Variants in SHISA6 observed in about 807,000 individuals in gnomAD.
The protein encoded by SHISA6 is protein shisa-6.
Under a neutral mutation model 47.9 loss-of-function variants are expected in SHISA6, and 22 were observed. The ratio of observed to expected loss-of-function variants is 0.46; its 90% CI spans 0.33 to 0.66. The LOEUF (loss-of-function observed/expected upper bound fraction) is 0.66. Among genes scored for constraint, SHISA6 ranks in the 30% least tolerant of loss-of-function variants. The pLI, the probability that SHISA6 is intolerant of heterozygous loss-of-function variation, is 0.02. For missense variants in SHISA6, 680 were observed against 764.6 expected, an observed-to-expected ratio of 0.89 and a Z score of 1.30; for synonymous variants, 388 against 337.8, an observed-to-expected ratio of 1.15 and a Z score of -1.63.
chr17:11,413,608 G>T (rs1914198682), intron 3 of SHISA6, among the ~76,000 whole-genome samples: 1 of 152,136 alleles, frequency 6.6e-6, no homozygotes. Flanking sequence ...CTTGGTTCTT[G>T]GAGGTTGGCA....
chr17:11,461,180 G>A (rs1170285438), intron 3 of SHISA6, among the ~76,000 whole-genome samples: 8 of 152,154 alleles, frequency 5.3e-5, no homozygotes, highest in Non-Finnish European at 1.0e-4. Flanking sequence ...GGCGGATCAC[G>A]AGGTCAGGAG....
At chr17:11,274,759 A>T (rs1908817255) in intron 2 of SHISA6, among the ~76,000 whole-genome samples, 1 of 152,216 alleles carries the variant, frequency 6.6e-6, no homozygotes, top group Admixed American at 6.5e-5. Context: ...GCTTAACTCC[A>T]GGAGCAGAAA....
intron 3 of SHISA6, among the ~76,000 whole-genome samples, chr17:11,494,138 C>A (rs866677509): frequency 6.6e-6 from 1 of 152,146 alleles, no homozygotes; most frequent in South Asian, 2.1e-4. Flanking sequence ...CTCAGCAGGA[C>A]TCAGGGACTT....
At chr17:11,304,758 T>C (rs1910046358) in intron 2 of SHISA6, among the ~76,000 whole-genome samples, 1 of 151,574 alleles carries the variant, frequency 6.6e-6, no homozygotes, top group Non-Finnish European at 1.5e-5. Flanking sequence ...CAAGCCGGAG[T>C]GTAGGGAAAC....
chr17:11,545,559 T>C (rs2071876462), intron 3 of SHISA6, among the ~76,000 whole-genome samples: 1 of 152,250 alleles, frequency 6.6e-6, no homozygotes, highest in South Asian at 2.1e-4. Context: ...AGGATCTTTC[T>C]GTATTATTCA....
chr17:11,563,090 CA>C lies in SHISA6; in HGVS notation c.*4788del, dbSNP rs2142398198. The C allele has an allele frequency of 6.6e-6, 1 of 152,408 alleles. No individual in the cohort carries two copies. The highest frequency in any genetic ancestry group is 6.5e-5 in the Admixed American group (1 of 15,296). 9.4% of individuals were successfully genotyped at this position (152,408 alleles called of 1,614,324 possible). A position where few individuals can be genotyped will look rare whatever the true frequency, so the allele number is the denominator to read the frequency against. On this transcript the variant is annotated 3_prime_UTR_variant, in exon 6 of 6. Coordinates refer to ENST00000441885, the MANE Select transcript of SHISA6 (RefSeq NM_207386.4). Reference sequence around the variant, plus strand: ...CCTTATAGCTGGAGGGAGGCGGTTCCAATTTCAGAGAGGGAGCTGGCTGGAG... The same window carrying C: ...CCTTATAGCTGGAGGGAGGCGGTTCCATTTCAGAGAGGGAGCTGGCTGGAG...
chr17:11,485,606 C>T (rs1179891396), intron 3 of SHISA6, among the ~76,000 whole-genome samples: 1 of 152,106 alleles, frequency 6.6e-6, no homozygotes, highest in Non-Finnish European at 1.5e-5. Flanking sequence ...GAGTGAGCCT[C>T]TTTCTCTGCA....
At chr17:11,497,552 C>G (rs757042904) in intron 3 of SHISA6, among the ~76,000 whole-genome samples, 15 of 152,162 alleles carry the variant, frequency 9.9e-5, no homozygotes, top group Non-Finnish European at 1.9e-4. Context: ...TGTTCTTGAA[C>G]ACAGCAATGA....
chr17:11,466,345 C>T (rs141936781), intron 3 of SHISA6, among the ~76,000 whole-genome samples: 16 of 152,226 alleles, frequency 1.1e-4, no homozygotes, highest in Non-Finnish European at 1.8e-4. Flanking sequence ...GGATGATAAA[C>T]GGGTCAAGCA....
At chr17:11,314,537 G>GT (rs1330886916) in intron 2 of SHISA6, among the ~76,000 whole-genome samples, 30 of 143,888 alleles carry the variant, frequency 2.1e-4, no homozygotes, top group African/African-American at 4.6e-4. Context: ...TCATTTTTTT[G>GT]TTTTTTTTTT....
chr17:11,370,772 C>T (rs1026094228), intron 2 of SHISA6, among the ~76,000 whole-genome samples: 2 of 152,190 alleles, frequency 1.3e-5, no homozygotes, highest in Non-Finnish European at 2.9e-5. Flanking sequence ...ACTACTCACC[C>T]TCTTTGGGTT....
At chr17:11,435,364 CAAAAT>C (rs1171875949) in intron 3 of SHISA6, among the ~76,000 whole-genome samples, 1 of 151,982 alleles carries the variant, frequency 6.6e-6, no homozygotes, top group African/African-American at 2.4e-5. Flanking sequence ...AGTCTCACCT[CAAAAT>C]AAAATACTAT....
chr17:11,505,699 A>G (rs1167797618), intron 3 of SHISA6, among the ~76,000 whole-genome samples: 1 of 152,182 alleles, frequency 6.6e-6, no homozygotes, highest in Non-Finnish European at 1.5e-5. Flanking sequence ...TCTCACTTTT[A>G]TAAAATTAAG....
rs370555124 is a variant in SHISA6, at chr17:11,397,027, C to T, written c.895+17518C>T. Among the ~76,000 whole-genome samples, 49 of 152,174 alleles carry T rather than the reference C, an allele frequency of 3.2e-4. No individual in the cohort carries two copies. In the East Asian group the frequency reaches 8.3e-3, roughly 26 times the overall value. ...CGGTTCTCCTATGAAACCATCGGGGCCTAGAACTTTTAGGTAGGGTAGTTT... is the reference window on the plus strand; with the variant it reads ...CGGTTCTCCTATGAAACCATCGGGGTCTAGAACTTTTAGGTAGGGTAGTTT... On this transcript the variant is annotated intron_variant, in intron 3 of 5. Coordinates refer to ENST00000441885, the MANE Select transcript of SHISA6 (RefSeq NM_207386.4).
chr17:11,548,613 T>C lies in SHISA6; in HGVS notation c.896-3283T>C, dbSNP rs908181611. Among the ~76,000 whole-genome samples the C allele has an allele frequency of 2.0e-5, 3 of 152,236 alleles. No individual in the cohort carries two copies. In the East Asian group the frequency reaches 5.8e-4, roughly 29 times the overall value. On this transcript the variant is annotated intron_variant, in intron 3 of 5. Coordinates refer to ENST00000441885, the MANE Select transcript of SHISA6 (RefSeq NM_207386.4). ...ACATTGCTAGGCAACTGACAGTGTG[T>C]TGACTTAGAAATGCTGATTTTAGTT...
At chr17:11,358,204 C>T (rs187791712) in intron 2 of SHISA6, among the ~76,000 whole-genome samples, 34 of 152,252 alleles carry the variant, frequency 2.2e-4, no homozygotes, top group African/African-American at 7.0e-4. Context: ...CTTCTCCCCA[C>T]AGCTCCTGGT....
intron 3 of SHISA6, among the ~76,000 whole-genome samples, chr17:11,499,315 A>G (rs536024357): frequency 6.6e-6 from 1 of 152,260 alleles, no homozygotes; most frequent in Admixed American, 6.5e-5. Context: ...GAGCAGAATG[A>G]CGCCACTTGG....
intron 2 of SHISA6, among the ~76,000 whole-genome samples, chr17:11,275,109 C>A (rs2142156142): frequency 6.6e-6 from 1 of 151,580 alleles, no homozygotes; most frequent in South Asian, 2.1e-4. Context: ...GGAACTGGAA[C>A]TCTGTGTTCT....
At chr17:11,507,811 C>A (rs1393514884) in intron 3 of SHISA6, among the ~76,000 whole-genome samples, 1 of 152,160 alleles carries the variant, frequency 6.6e-6, no homozygotes, top group Admixed American at 6.5e-5. Context: ...CATTTCTAAT[C>A]TTTAGCACTC....
Sources: allele counts gnomAD v4.1 joint callset (sites outside exome capture counted in the v4.1 genomes callset), GRCh38; gene constraint gnomAD v4.1.1; transcripts MANE v1.5; gene names NCBI Gene and HGNC (gene_info 2026-07-23, HGNC 2026-07-21).